RALYL: variants seen among roughly 807,000 people sequenced by gnomAD.
The protein encoded by RALYL is RALY RNA binding protein like, also known as RNA-binding Raly-like protein.
In RALYL, 29 loss-of-function variants were observed where a neutral mutation model predicts 35.1. That is an observed-to-expected ratio of 0.83 (90% CI 0.61 to 1.13). RALYL has a LOEUF of 1.13. Ranked by LOEUF, RALYL falls within the 50% of genes most tolerant of loss-of-function variation. The pLI is 0.00. For synonymous variants in RALYL, 120 were observed against 127.6 expected (o/e 0.94, Z 0.40); for missense variants, 359 against 360.4 (o/e 1.00, Z 0.03).
intron 2 of RALYL, among the ~76,000 whole-genome samples, chr8:84,735,158 C>T (rs2171589): frequency 0.012 from 1,878 of 151,590 alleles, 45 homozygotes; most frequent in African/African-American, 0.043. Context: ...AGTACCAAGC[C>T]GAATACCCCA....
chr8:84,695,958 G>GT (rs1589062240), intron 2 of RALYL, among the ~76,000 whole-genome samples: 1 of 151,644 alleles, frequency 6.6e-6, no homozygotes. Context: ...GAGTGGACCA[G>GT]TCATTGTCAA....
In RALYL at chr8:84,610,183, C is replaced by T. The variant is rs111902344; in HGVS notation, c.256+80606C>T. Among the ~76,000 whole-genome samples the T allele has an allele frequency of 2.1e-3, 326 of 151,904 alleles. 1 individual carries two copies. Among genetic ancestry groups the T allele is most frequent in the African/African-American group, 7.3e-3 (302 of 41,452 alleles). On this transcript the variant is annotated intron_variant, in intron 2 of 8. Coordinates refer to ENST00000521268, the MANE Select transcript of RALYL (RefSeq NM_173848.7). ...AAGATTTTTTTCTTTTAGTTTTTACCGAATGTCTTTTTTATGTTCCGGGAT... is the reference window on the plus strand; with the variant it reads ...AAGATTTTTTTCTTTTAGTTTTTACTGAATGTCTTTTTTATGTTCCGGGAT...
At chr8:84,568,779 A>C (rs1243034545) in intron 2 of RALYL, among the ~76,000 whole-genome samples, 7 of 142,340 alleles carry the variant, frequency 4.9e-5, no homozygotes, top group Admixed American at 4.2e-4. Context: ...TGTGGTTTTG[A>C]TTTGCATTTC....
chr8:84,470,972 G>A (rs983672638), intron 1 of RALYL, among the ~76,000 whole-genome samples: 6 of 152,160 alleles, frequency 3.9e-5, no homozygotes, highest in African/African-American at 1.4e-4. Context: ...TCCCCAAATT[G>A]GAACCTGTTA....
intron 2 of RALYL, among the ~76,000 whole-genome samples, chr8:84,636,379 A>G (rs938589221): frequency 6.6e-6 from 1 of 151,840 alleles, no homozygotes; most frequent in Admixed American, 6.6e-5. Context: ...CTTTAGTATC[A>G]TAGAATAGAG....
At chr8:84,445,618 C>A (rs912038313) in intron 1 of RALYL, among the ~76,000 whole-genome samples, 2 of 151,578 alleles carry the variant, frequency 1.3e-5, no homozygotes, top group Non-Finnish European at 2.9e-5. Flanking sequence ...ATGGTTAATA[C>A]TGATACTTAA....
At chr8:84,781,028 C>A (rs1458788681) in intron 3 of RALYL, among the ~76,000 whole-genome samples, 2 of 151,910 alleles carry the variant, frequency 1.3e-5, no homozygotes, top group South Asian at 2.1e-4. Context: ...CTGTCTAATT[C>A]TTTTTTGTAT....
intron 2 of RALYL, among the ~76,000 whole-genome samples, chr8:84,635,067 T>C (rs1444238655): frequency 6.6e-6 from 1 of 151,782 alleles, no homozygotes; most frequent in South Asian, 2.1e-4. Context: ...TTCCTGCCAT[T>C]ATAAAGTGAA....
In RALYL at chr8:84,629,752, A is replaced by C. The variant is rs185911489; in HGVS notation, c.256+100175A>C. ...TGAAAGGTTATGCACTACAATACTG[A>C]AAGTGGTTTTCAAGTGGAATTATGT... is the stretch of plus-strand genomic sequence containing the variant. On this transcript the variant is annotated intron_variant, in intron 2 of 8. Coordinates refer to ENST00000521268, the MANE Select transcript of RALYL (RefSeq NM_173848.7). 1.8e-3 allele frequency among the ~76,000 whole-genome samples: 267 copies of C among 152,098 alleles called. 1 individual carries two copies. The highest frequency in any genetic ancestry group is 6.1e-3 in the African/African-American group (252 of 41,526).
chr8:84,390,193 C>G (rs1165241585), intron 1 of RALYL, among the ~76,000 whole-genome samples: 3 of 152,010 alleles, frequency 2.0e-5, no homozygotes, highest in Admixed American at 6.6e-5. Flanking sequence ...GGATGAAGCC[C>G]ACTTGATCAT....
intron 1 of RALYL, among the ~76,000 whole-genome samples, chr8:84,482,620 A>G (rs1315331356): frequency 6.6e-6 from 1 of 152,070 alleles, no homozygotes; most frequent in East Asian, 1.9e-4. Flanking sequence ...CAGAACACAG[A>G]TATCCAAAAC....
chr8:84,829,345 T>C (rs918069943), intron 4 of RALYL: 2 of 152,526 alleles, frequency 1.3e-5, no homozygotes, highest in African/African-American at 4.8e-5. Context: ...ATATCATCAG[T>C]AGACAAAGAG....
At chr8:84,474,279 C>T (rs534668281) in intron 1 of RALYL, among the ~76,000 whole-genome samples, 3 of 152,124 alleles carry the variant, frequency 2.0e-5, no homozygotes, top group Non-Finnish European at 4.4e-5. Context: ...ATGCTTTCCA[C>T]TTGATTAGTT....
At chr8:84,419,613 G>T (rs945714233) in intron 1 of RALYL, among the ~76,000 whole-genome samples, 1 of 150,190 alleles carries the variant, frequency 6.7e-6, no homozygotes, top group African/African-American at 2.5e-5. Context: ...AGTTACATAT[G>T]TATACATGTG....
rs541455237 is a variant in RALYL, at chr8:84,555,214, G to A, written c.256+25637G>A. On this transcript the variant is annotated intron_variant, in intron 2 of 8. Transcript: ENST00000521268. ...GAATCGCTTGAACCCGGGAGGCAGA[G>A]GTTGCAGTGAGCCGAGATCATGCCA... Among the ~76,000 whole-genome samples, 7 of 152,270 alleles carry A rather than the reference G, an allele frequency of 4.6e-5. No individual in the cohort carries two copies. The East Asian group carries it at 1.4e-3, about 29-fold the overall frequency.
chr8:84,407,050 A>T (rs1455592559), intron 1 of RALYL, among the ~76,000 whole-genome samples: 1 of 143,980 alleles, frequency 6.9e-6, no homozygotes, highest in Admixed American at 6.9e-5. Context: ...ACACACACTC[A>T]CACACACACA....
At chr8:84,537,273 CT>C (rs1312500630) in intron 2 of RALYL, among the ~76,000 whole-genome samples, 2 of 151,608 alleles carry the variant, frequency 1.3e-5, no homozygotes, top group Non-Finnish European at 2.9e-5. Flanking sequence ...AGTTTCAGAC[CT>C]GCTTGGGCAA....
intron 2 of RALYL, among the ~76,000 whole-genome samples, chr8:84,590,964 T>C (rs1430943067): frequency 6.6e-6 from 1 of 152,184 alleles, no homozygotes; most frequent in African/African-American, 2.4e-5. Flanking sequence ...AGTTCCTTTA[T>C]AGATGTTTTT....
intron 1 of RALYL, among the ~76,000 whole-genome samples, chr8:84,262,284 A>G (rs1050318849): frequency 6.6e-6 from 1 of 152,152 alleles, no homozygotes; most frequent in Non-Finnish European, 1.5e-5. Context: ...TGGTTTTTAT[A>G]TGCATAAGAG....
Sources: gnomAD v4.1 joint callset for allele counts (sites outside exome capture counted in the v4.1 genomes callset) on GRCh38, gnomAD v4.1.1 for gene constraint, MANE v1.5 for transcripts, NCBI Gene and HGNC (gene_info 2026-07-23, HGNC 2026-07-21) for gene names.